LYPD6B: variants seen among roughly 807,000 people sequenced by gnomAD.
LYPD6B encodes the protein LY6/PLAUR domain containing 6B, also known as ly6/PLAUR domain-containing protein 6B.
LYPD6B carries 17 observed loss-of-function variants against 22.8 expected under a neutral mutation model. The ratio of observed to expected loss-of-function variants is 0.75; its 90% CI spans 0.51 to 1.12. The LOEUF is 1.12. Among genes scored for constraint, LYPD6B ranks in the 50% most tolerant of loss-of-function variants. LYPD6B has a pLI of 0.00. For missense variants in LYPD6B, 221 were observed against 258.3 expected (o/e 0.86, Z 0.99); for synonymous variants, 106 against 91.6 (o/e 1.16, Z -0.90).
intron 1 of LYPD6B, among the ~76,000 whole-genome samples, chr2:149,056,570 C>T (rs551283081): frequency 3.2e-4 from 48 of 152,244 alleles, no homozygotes; most frequent in African/African-American, 1.1e-3. Flanking sequence ...GAACTGCTTA[C>T]CTTATTTAAC....
intron 3 of LYPD6B, among the ~76,000 whole-genome samples, chr2:149,178,984 T>C (rs1282825161): frequency 6.6e-6 from 1 of 152,236 alleles, no homozygotes; most frequent in African/African-American, 2.4e-5. Context: ...AGATTACTTA[T>C]TTTTCCTTCA....
intron 4 of LYPD6B, 149 bp downstream of exon 4, chr2:149,205,553 G>A: frequency 1.1e-6 from 1 of 878,274 alleles, no homozygotes; most frequent in Non-Finnish European, 1.7e-6. Context: ...TACTTCTATG[G>A]GTAAGCATAT....
intron 1 of LYPD6B, among the ~76,000 whole-genome samples, chr2:149,078,277 AT>A (rs1684966269): frequency 6.6e-6 from 1 of 152,190 alleles, no homozygotes; most frequent in Non-Finnish European, 1.5e-5. Context: ...TCCTGCTATA[AT>A]GGGGTCTTTA....
intron 1 of LYPD6B, among the ~76,000 whole-genome samples, chr2:149,078,234 G>A (rs1199931171): frequency 6.6e-6 from 1 of 152,174 alleles, no homozygotes; most frequent in Non-Finnish European, 1.5e-5. Context: ...CCTTGAGAAG[G>A]CACCATGACC....
chr2:149,165,566 A>G (rs531340932), intron 3 of LYPD6B, among the ~76,000 whole-genome samples: 5 of 152,328 alleles, frequency 3.3e-5, no homozygotes, highest in South Asian at 4.1e-4. Context: ...TGTTTTTACT[A>G]TATGCCCAGC....
chr2:149,134,775 A>G (rs1021445028), intron 2 of LYPD6B, among the ~76,000 whole-genome samples: 3 of 152,216 alleles, frequency 2.0e-5, no homozygotes, highest in African/African-American at 7.2e-5. Flanking sequence ...TGGGTTGTCA[A>G]TCACTGTCTA....
chr2:149,132,618 G>A (rs1201198569), intron 2 of LYPD6B, among the ~76,000 whole-genome samples: 1 of 151,924 alleles, frequency 6.6e-6, no homozygotes, highest in Non-Finnish European at 1.5e-5. Context: ...ACTTAGCAAG[G>A]AGATGTACTG....
intron 1 of LYPD6B, among the ~76,000 whole-genome samples, chr2:149,051,456 C>T (rs781422878): frequency 3.9e-5 from 6 of 152,080 alleles, no homozygotes; most frequent in Middle Eastern, 3.2e-3. Context: ...TGAGCCACCG[C>T]GCCCGGCCAA....
intron 1 of LYPD6B, among the ~76,000 whole-genome samples, chr2:149,056,371 A>C (rs1408724432): frequency 6.6e-6 from 1 of 152,120 alleles, no homozygotes; most frequent in Non-Finnish European, 1.5e-5. Flanking sequence ...ATATTCTGGC[A>C]AGTGGTTTCC....
intron 3 of LYPD6B, among the ~76,000 whole-genome samples, chr2:149,165,756 T>A (rs1002095716): frequency 2.6e-5 from 4 of 152,196 alleles, no homozygotes; most frequent in Admixed American, 6.5e-5. Flanking sequence ...GAGGTCAGGC[T>A]TCAGAGTCTG....
chr2:149,165,087 A>G (rs1302694044), intron 3 of LYPD6B, among the ~76,000 whole-genome samples: 1 of 152,060 alleles, frequency 6.6e-6, no homozygotes, highest in Non-Finnish European at 1.5e-5. Context: ...GAGCTAGGTG[A>G]TCTAGGGGAT....
chr2:149,180,291 G>A (rs1394072811), intron 3 of LYPD6B, among the ~76,000 whole-genome samples: 1 of 152,174 alleles, frequency 6.6e-6, no homozygotes, highest in Non-Finnish European at 1.5e-5. Context: ...CAGTGAAGGA[G>A]CTGGTACAAT....
intron 4 of LYPD6B, among the ~76,000 whole-genome samples, chr2:149,206,609 C>T (rs954939741): frequency 4.0e-5 from 6 of 151,836 alleles, no homozygotes; most frequent in African/African-American, 1.4e-4. Flanking sequence ...TTAAAAAAGA[C>T]AAAAAAGTAA....
At chr2:149,145,166 G>C (rs759921282) in intron 2 of LYPD6B, among the ~76,000 whole-genome samples, 1 of 152,126 alleles carries the variant, frequency 6.6e-6, no homozygotes, top group Admixed American at 6.5e-5. Flanking sequence ...CTGATGGTGG[G>C]TTCTGACTAG....
intron 1 of LYPD6B, among the ~76,000 whole-genome samples, chr2:149,116,495 C>T (rs1687011655): frequency 1.3e-5 from 2 of 152,176 alleles, no homozygotes; most frequent in African/African-American, 4.8e-5. Context: ...TATCTCCTAA[C>T]CCTCTGCTAA....
At chr2:149,055,273 C>A (rs904803577) in intron 1 of LYPD6B, among the ~76,000 whole-genome samples, 3 of 152,178 alleles carry the variant, frequency 2.0e-5, no homozygotes, top group African/African-American at 7.2e-5. Context: ...GTTGGCAGTA[C>A]CACAAAATAT....
At chr2:149,091,891 A>T (rs537312335) in intron 1 of LYPD6B, among the ~76,000 whole-genome samples, 1 of 152,154 alleles carries the variant, frequency 6.6e-6, no homozygotes, top group African/African-American at 2.4e-5. Flanking sequence ...GACTACTGCT[A>T]TAGATATAAT....
At chr2:149,110,491 A>G (rs1686704420) in intron 1 of LYPD6B, among the ~76,000 whole-genome samples, 1 of 152,174 alleles carries the variant, frequency 6.6e-6, no homozygotes, top group Non-Finnish European at 1.5e-5. Context: ...AAATCTTGAC[A>G]TTCTTTTAAT....
chr2:149,167,085 T>G (rs1015886968), intron 3 of LYPD6B, among the ~76,000 whole-genome samples: 10 of 152,098 alleles, frequency 6.6e-5, no homozygotes, highest in Non-Finnish European at 1.5e-4. Flanking sequence ...GATGCTCACT[T>G]TCCTCGTTTC....
Sources: gnomAD v4.1 joint callset for allele counts (sites outside exome capture counted in the v4.1 genomes callset) on GRCh38, gnomAD v4.1.1 for gene constraint, MANE v1.5 for transcripts, NCBI Gene and HGNC (gene_info 2026-07-23, HGNC 2026-07-21) for gene names.